PPIL6: variants seen among roughly 807,000 people sequenced by gnomAD.
PPIL6 encodes the protein probable inactive peptidyl-prolyl cis-trans isomerase-like 6.
A neutral mutation model predicts 36.8 loss-of-function variants in PPIL6; 39 were observed. The ratio of observed to expected loss-of-function variants is 1.06; its 90% CI spans 0.82 to 1.38. The LOEUF (loss-of-function observed/expected upper bound fraction) is 1.38. Ranked by LOEUF, PPIL6 falls within the 40% of genes most tolerant of loss-of-function variation. PPIL6 has a pLI of 0.00. For synonymous variants in PPIL6, 123 were observed against 134.1 expected (o/e 0.92, Z 0.57); for missense variants, 368 against 379.1 (o/e 0.97, Z 0.24).
At chr6:109,420,073 C>G (rs1370839690) in intron 5 of PPIL6, among the ~76,000 whole-genome samples, 2 of 151,956 alleles carry the variant, frequency 1.3e-5, no homozygotes, top group Non-Finnish European at 2.9e-5. Flanking sequence ...CGGTGACACA[C>G]CTGTAATCCC....
In PPIL6 at chr6:109,440,527, G is replaced by A. The variant is rs1276792150; in HGVS notation, c.64C>T (p.Arg22Trp). 30 of 1,497,570 alleles carry A rather than the reference G, an allele frequency of 2.0e-5. No homozygotes were observed. Among genetic ancestry groups the A allele is most frequent in the Non-Finnish European group, 2.6e-5 (29 of 1,125,488 alleles). The allele number at this position is 1,497,570 out of a possible 1,614,324, so 92.8% of individuals were successfully genotyped here. A position where few individuals can be genotyped will look rare whatever the true frequency, so the allele number is the denominator to read the frequency against. ...CCCACCACCTTCACCTGCAGCGGCC[G>A]CTCCGGCAGCGACGGCGAGCCGCAC... ...ARCGSPSLPERPLQVKVVGLF... is the reference protein window; with the variant it reads ...ARCGSPSLPEWPLQVKVVGLF... The change falls in exon 1 of 8, where the codon CGG (arginine) becomes TGG (tryptophan). Residue 22 changes from arginine (R) to tryptophan (W), a missense_variant. Coordinates refer to ENST00000521072, the MANE Select transcript of PPIL6 (RefSeq NM_173672.5).
At chr6:109,400,535 T>C (rs965392198) in intron 6 of PPIL6, among the ~76,000 whole-genome samples, 1 of 152,206 alleles carries the variant, frequency 6.6e-6, no homozygotes, top group Non-Finnish European at 1.5e-5. Flanking sequence ...ACCATACTCA[T>C]TAAAAACACC....
At chr6:109,430,633 G>A (rs902363084) in intron 3 of PPIL6, among the ~76,000 whole-genome samples, 2 of 152,158 alleles carry the variant, frequency 1.3e-5, no homozygotes, top group African/African-American at 4.8e-5. Context: ...CACCGTGTTG[G>A]CCAGGATGGT....
chr6:109,424,864 C>G (rs868297587), intron 5 of PPIL6, among the ~76,000 whole-genome samples: 1 of 152,188 alleles, frequency 6.6e-6, no homozygotes, highest in Non-Finnish European at 1.5e-5. Flanking sequence ...AATTATCCAC[C>G]TTTAGCATAT....
chr6:109,403,973 C>G, intron 6 of PPIL6, among the ~76,000 whole-genome samples: 1 of 152,198 alleles, frequency 6.6e-6, no homozygotes, highest in Non-Finnish European at 1.5e-5. Flanking sequence ...ACTAGCTGTG[C>G]TCTCGCTTTC....
chr6:109,419,236 C>T lies in PPIL6; in HGVS notation c.639G>A (p.Val213=), dbSNP rs1364251689. The T allele has an allele frequency of 1.3e-6, 2 of 1,542,522 alleles. No homozygotes were observed. Among genetic ancestry groups the T allele is most frequent in the South Asian group, 1.1e-5 (1 of 89,306 alleles). Residue 213 remains valine (V), a synonymous_variant, in exon 6 of 8, where the codon GTG becomes GTA. Coordinates refer to ENST00000521072, the MANE Select transcript of PPIL6 (RefSeq NM_173672.5). ...QNGWIQGGDI[V]YGKGDNGESI... is the part of the protein sequence containing the mutation. The stretch of plus-strand genomic sequence containing the variant: ...ACTCTCCATTATCTCCTTTTCCATA[C>T]ACTATATCTGAGAAATAGCAACAAA...
At chr6:109,397,060 A>G (rs1772332408) in intron 7 of PPIL6, among the ~76,000 whole-genome samples, 1 of 149,826 alleles carries the variant, frequency 6.7e-6, no homozygotes, top group Admixed American at 6.8e-5. Flanking sequence ...TAACTAGATT[A>G]TCTAGTTGCC....
chr6:109,436,366 C>T (rs1303708316), intron 1 of PPIL6, among the ~76,000 whole-genome samples, 167 bp from the exon 2 acceptor site: 1 of 152,152 alleles, frequency 6.6e-6, no homozygotes, highest in East Asian at 1.9e-4. Flanking sequence ...TTGTGTTCAC[C>T]TCCAAGTTGC....
chr6:109,432,931 C>A (rs1210441418), intron 2 of PPIL6, among the ~76,000 whole-genome samples: 1 of 152,150 alleles, frequency 6.6e-6, no homozygotes, highest in Non-Finnish European at 1.5e-5. Context: ...CTTATCAAAA[C>A]CTGCTTCTAG....
chr6:109,437,871 G>A (rs756310576), intron 1 of PPIL6, among the ~76,000 whole-genome samples: 6 of 152,020 alleles, frequency 3.9e-5, no homozygotes, highest in East Asian at 1.9e-4. Flanking sequence ...CACCTGGCCC[G>A]GTTGACTGCT....
rs762292033 is a variant in PPIL6 at position 109,426,923 on chromosome 6, A to G, written c.555T>C (p.Ser185=). Residue 185 remains serine, a synonymous_variant, in exon 5 of 8, where the codon TCT becomes TCC. Coordinates refer to ENST00000521072, the MANE Select transcript of PPIL6 (RefSeq NM_173672.5). ...TGTAATGTAGTCTTATGCCACGTTG[A>G]GAAAACCCTGCTTTTCCTGTGCACA... ...QVLCTGKAGF[S]QRGIRLHYKN... is the part of the protein sequence containing the mutation. 5 of 1,608,792 alleles carry G rather than the reference A, an allele frequency of 3.1e-6. No individual in the cohort carries two copies. The South Asian group carries it at 5.5e-5, about 18-fold the overall frequency.
chr6:109,433,230 T>C (rs61067525), intron 2 of PPIL6, among the ~76,000 whole-genome samples: 2,915 of 152,212 alleles, frequency 0.019, 85 homozygotes, highest in African/African-American at 0.067. Context: ...CTAATTTTTG[T>C]ATTTTTAGTA....
chr6:109,396,943 G>C (rs1445561609), intron 7 of PPIL6, among the ~76,000 whole-genome samples: 1 of 151,670 alleles, frequency 6.6e-6, no homozygotes, highest in Non-Finnish European at 1.5e-5. Context: ...CCATGTCTGG[G>C]CTTCCAAAAG....
intron 2 of PPIL6, among the ~76,000 whole-genome samples, chr6:109,434,960 T>A (rs1774364507): frequency 6.6e-6 from 1 of 151,912 alleles, no homozygotes; most frequent in African/African-American, 2.4e-5. Context: ...AGGTGTGGAG[T>A]TCTCTGAGGG....
At chr6:109,401,869 G>A (rs1424782986) in intron 6 of PPIL6, among the ~76,000 whole-genome samples, 3 of 151,812 alleles carry the variant, frequency 2.0e-5, no homozygotes, top group South Asian at 2.1e-4. Flanking sequence ...AACTACAAGC[G>A]CCCACCACCA....
intron 6 of PPIL6, chr6:109,404,902 A>C (rs1162766409): frequency 4.8e-6 from 1 of 207,128 alleles, no homozygotes; most frequent in African/African-American, 2.4e-5. Context: ...AAATACAAAA[A>C]AATTAGCTGA....
At chr6:109,418,068 T>C (rs1214947451) in intron 6 of PPIL6, 1 of 152,548 alleles carries the variant, frequency 6.6e-6, no homozygotes, top group African/African-American at 2.4e-5. Context: ...AGAAAGTAGA[T>C]TTTCTAGTTT....
chr6:109,437,711 C>G (rs1337637605), intron 1 of PPIL6, among the ~76,000 whole-genome samples: 1 of 152,048 alleles, frequency 6.6e-6, no homozygotes, highest in Admixed American at 6.6e-5. Context: ...CCCGCCACCA[C>G]GCCCAGCTAA....
At chr6:109,440,824 G>C (rs111369755), upstream of PPIL6, 10 of 384,742 alleles carry the variant, frequency 2.6e-5, no homozygotes, top group African/African-American at 2.1e-4. Context: ...CCACCCGGGG[G>C]CGCTCTCCGG....
Sources: gnomAD v4.1 joint callset for allele counts (sites outside exome capture counted in the v4.1 genomes callset) on GRCh38, gnomAD v4.1.1 for gene constraint, MANE v1.5 for transcripts, NCBI Gene and HGNC (gene_info 2026-07-23, HGNC 2026-07-21) for gene names.